The following HDGFL3 variants were observed in gnomAD, a reference collection of about 807,000 sequenced individuals.
The protein encoded by HDGFL3 is HDGF like 3.
HDGFL3 carries 6 observed loss-of-function variants against 27.6 expected under a neutral mutation model. That is an observed-to-expected ratio of 0.22 (90% confidence interval 0.12 to 0.43). The LOEUF is 0.43. HDGFL3 is among the 20% of genes least tolerant of loss of function. HDGFL3 has a pLI of 1.00. For missense variants in HDGFL3, 207 were observed against 250.1 expected, an observed-to-expected ratio of 0.83 and a Z score of 1.16; for synonymous variants, 88 against 88.9, an observed-to-expected ratio of 0.99 and a Z score of 0.05.
At chr15:83,144,484 T>G (rs1238267447) in intron 5 of HDGFL3, 1 of 456,076 alleles carries the variant, frequency 2.2e-6, no homozygotes, top group Non-Finnish European at 4.4e-6. Context: ...TTGCCAGCAC[T>G]CTCTCTTACT....
rs114969160 is a variant in HDGFL3 at position 83,162,494 on chromosome 15, C to T, written c.161+1505G>A. Reference sequence around the variant, plus strand: ...AATGGGGGCGGGAATAAGGAAAATGCAAAAATATGCATCATAAAGCCCTAT... The same window carrying T: ...AATGGGGGCGGGAATAAGGAAAATGTAAAAATATGCATCATAAAGCCCTAT... On this transcript the variant is annotated intron_variant, in intron 2 of 5. Coordinates refer to ENST00000299633, the MANE Select transcript of HDGFL3 (RefSeq NM_016073.4). Among the ~76,000 whole-genome samples, 401 of 152,116 alleles carry T rather than the reference C, an allele frequency of 2.6e-3. 3 individuals are homozygous for T. Among genetic ancestry groups the T allele is most frequent in the African/African-American group, 9.4e-3 (392 of 41,512 alleles).
Position 83,207,266 on chromosome 15 carries a change from C to A in HDGFL3, c.84+65G>T. On this transcript the variant is annotated intron_variant, in intron 1 of 5. Coordinates refer to ENST00000299633, the MANE Select transcript of HDGFL3 (RefSeq NM_016073.4). The surrounding 1 kb of genome is among the most constrained non-coding windows in gnomAD (Gnocchi z 4.8). Reference sequence around the variant, plus strand: ...GGGCTGAGGCGATGGGGAAAGGGGGCGGGCGCGCCATCATGAAGGGGAAAA... The same window carrying A: ...GGGCTGAGGCGATGGGGAAAGGGGGAGGGCGCGCCATCATGAAGGGGAAAA... The A allele has an allele frequency of 9.0e-7, 1 of 1,115,386 alleles. No homozygotes were observed. The highest frequency in any genetic ancestry group is 1.2e-6 in the Non-Finnish European group (1 of 854,898). The allele number at this position is 1,115,386 out of a possible 1,614,324, so 69.1% of individuals were successfully genotyped here.
At chr15:83,170,068 C>T (rs768934286) in intron 1 of HDGFL3, among the ~76,000 whole-genome samples, 5 of 152,018 alleles carry the variant, frequency 3.3e-5, no homozygotes, top group Non-Finnish European at 7.4e-5. Flanking sequence ...AAGAAATCAC[C>T]GATGACACAA....
intron 1 of HDGFL3, among the ~76,000 whole-genome samples, chr15:83,169,393 C>T (rs1374344741): frequency 6.7e-5 from 7 of 104,648 alleles, no homozygotes; most frequent in African/African-American, 1.1e-4. Flanking sequence ...CCAGCCTGGG[C>T]GACAGAGCGA....
intron 1 of HDGFL3, among the ~76,000 whole-genome samples, chr15:83,197,514 A>G (rs963685218): frequency 3.9e-5 from 6 of 152,226 alleles, no homozygotes; most frequent in African/African-American, 1.4e-4. Context: ...TAAAAAGGAA[A>G]TACAAAACCA....
chr15:83,127,220 TA>T (rs59121495), downstream of HDGFL3: 106,982 of 623,696 alleles, frequency 0.17, 7 homozygotes, highest in Middle Eastern at 0.21. Flanking sequence ...AAAATAAAAG[TA>T]AAAAAAAAAA....
In HDGFL3 at chr15:83,153,866, G is replaced by A. The variant is rs546678431; in HGVS notation, c.460-2505C>T. ...CTACTATAGCATGACTTTTCATTGT[G>A]ATTACTGAGCGTTTTCCTTAGAAAA... On this transcript the variant is annotated intron_variant, in intron 4 of 5. Transcript: ENST00000299633. Among the ~76,000 whole-genome samples, 6 of 152,224 alleles carry A rather than the reference G, an allele frequency of 3.9e-5. No homozygotes were observed. The South Asian group carries it at 1.2e-3, about 32-fold the overall frequency.
intron 1 of HDGFL3, among the ~76,000 whole-genome samples, chr15:83,203,012 G>T (rs2037667808): frequency 6.6e-6 from 1 of 151,992 alleles, no homozygotes; most frequent in Non-Finnish European, 1.5e-5. Context: ...TTTCTCTTGG[G>T]TATATGCCTA....
At chr15:83,197,974 G>C (rs1442096739) in intron 1 of HDGFL3, among the ~76,000 whole-genome samples, 5 of 142,964 alleles carry the variant, frequency 3.5e-5, no homozygotes, top group Non-Finnish European at 7.6e-5. Flanking sequence ...AGGGGGTGAT[G>C]AGGAGGGTGG....
chr15:83,144,706 G>A, intron 5 of HDGFL3: 1 of 357,046 alleles, frequency 2.8e-6, no homozygotes, highest in South Asian at 2.1e-5. Flanking sequence ...GCCTTAAGAT[G>A]ATCTGAGTTC....
In HDGFL3 at chr15:83,121,985, G is replaced by C. The variant is rs181620994; in HGVS notation, c.394-6244C>G. The C allele has an allele frequency of 3.0e-4, 482 of 1,611,270 alleles. 3 individuals are homozygous for C. In the East Asian group the frequency reaches 0.011, roughly 35 times the overall value. ...TATTATTATGAGTGTTGTTGTTTTT[G>C]TGCCAGGAAACATTGTAGGTAAGAA... On this transcript the variant is annotated intron_variant, in intron 3 of 3. Coordinates refer to the HDGFL3 transcript ENST00000568294.
chr15:83,115,899 A>G, intron 3 of HDGFL3: 1 of 1,614,178 alleles, frequency 6.2e-7, no homozygotes, highest in East Asian at 2.2e-5. Context: ...GGACTGGAGC[A>G]AGATGGAATC....
At position 83,127,997 on chromosome 15, in the gene HDGFL3, T is replaced by C. The variant is rs2035919781; in HGVS notation, c.*11273A>G. Reference sequence around the variant, plus strand: ...GAGTAGGTGTTCAGTGAATGCTTACTGCGTTTAACTGAAAATGAAATTATC... The same window carrying C: ...GAGTAGGTGTTCAGTGAATGCTTACCGCGTTTAACTGAAAATGAAATTATC... On this transcript the variant is annotated 3_prime_UTR_variant, in exon 6 of 6. Transcript: ENST00000299633. The C allele has an allele frequency of 6.6e-6, 1 of 152,606 alleles. No individual in the cohort carries two copies. Among genetic ancestry groups the C allele is most frequent in the Admixed American group, 6.5e-5 (1 of 15,290 alleles). 9.5% of individuals were successfully genotyped at this position (152,606 alleles called of 1,614,324 possible).
exon 4 of HDGFL3, chr15:83,113,624 A>G (rs893728888): frequency 5.9e-5 from 9 of 152,492 alleles, no homozygotes; most frequent in Admixed American, 5.2e-4. Context: ...TCCTACAGCA[A>G]CAAACATTTA....
At chr15:83,126,997 C>T (rs893772935), downstream of HDGFL3, 1 of 613,032 alleles carries the variant, frequency 1.6e-6, no homozygotes, top group Non-Finnish European at 2.8e-6. Context: ...TTGAAACCAG[C>T]CTGGCCAGCA....
At chr15:83,163,659 C>A (rs1475952377) in intron 2 of HDGFL3, 2 of 207,688 alleles carry the variant, frequency 9.6e-6, no homozygotes, top group Admixed American at 5.5e-5. Context: ...ATGGAAAAAA[C>A]TTCTCTGGAA....
At chr15:83,186,513 A>G (rs1567175671) in intron 1 of HDGFL3, among the ~76,000 whole-genome samples, 1 of 152,248 alleles carries the variant, frequency 6.6e-6, no homozygotes, top group Non-Finnish European at 1.5e-5. Flanking sequence ...GTTAATGAAG[A>G]GCACAAAATA....
chr15:83,169,467 A>G (rs1297712119), intron 1 of HDGFL3, among the ~76,000 whole-genome samples: 1 of 147,336 alleles, frequency 6.8e-6, no homozygotes, highest in Non-Finnish European at 1.5e-5. Context: ...GAAAAGAAGA[A>G]GTCAAAATTA....
At chr15:83,186,648 CAT>C (rs2037446613) in intron 1 of HDGFL3, among the ~76,000 whole-genome samples, 1 of 152,048 alleles carries the variant, frequency 6.6e-6, no homozygotes, top group African/African-American at 2.4e-5. Context: ...CCAAATACTA[CAT>C]GTTCTTACTT....
Sources: gnomAD v4.1 joint callset for allele counts (sites outside exome capture counted in the v4.1 genomes callset) on GRCh38, gnomAD v4.1.1 for gene constraint, Gnocchi (gnomAD v3.1) non-coding constraint, MANE v1.5 for transcripts, NCBI Gene and HGNC (gene_info 2026-07-23, HGNC 2026-07-21) for gene names.